The following TYW1 variants were observed in gnomAD, a reference collection of about 807,000 sequenced individuals.
The protein encoded by TYW1 is S-adenosyl-L-methionine-dependent tRNA 4-demethylwyosine synthase TYW1.
Under a neutral mutation model 96.2 loss-of-function variants are expected in TYW1, and 46 were observed. That is an observed-to-expected ratio of 0.48 (90% CI 0.38 to 0.61). The LOEUF (loss-of-function observed/expected upper bound fraction) is 0.61, where lower values mean the gene tolerates loss of function less well. Ranked by LOEUF, TYW1 falls within the 20% of genes least tolerant of loss-of-function variation. TYW1 has a pLI of 0.00. For synonymous variants in TYW1, 274 were observed against 323.0 expected (o/e 0.85, Z 1.63); for missense variants, 684 against 909.6 (o/e 0.75, Z 3.19).
rs1385810870 is a variant in TYW1 at position 67,013,803 on chromosome 7, A to G, written c.376-564A>G. On this transcript the variant is annotated intron_variant, in intron 4 of 15. Coordinates refer to ENST00000359626, the MANE Select transcript of TYW1 (RefSeq NM_018264.4). ...CTGTCGCCCAGGCTGGAGTGCAGTG[A>G]CGTGATCTTGGCTCGCTGCAAGCTC... Among the ~76,000 whole-genome samples, 36 of 126,884 alleles carry G rather than the reference A, an allele frequency of 2.8e-4. 1 individual carries two copies. The highest frequency in any genetic ancestry group is 4.4e-4 in the African/African-American group (14 of 32,178). The allele number at this position is 126,884 out of a possible 152,430, so 83.2% of individuals were successfully genotyped here.
intron 10 of TYW1, among the ~76,000 whole-genome samples, chr7:67,078,888 G>T (rs1367833394): frequency 2.6e-5 from 4 of 151,928 alleles, no homozygotes; most frequent in Non-Finnish European, 2.9e-5. Context: ...TAGAGACAGG[G>T]TTTCACTGTA....
chr7:67,229,012 A>AT (rs1801657590), intron 15 of TYW1, among the ~76,000 whole-genome samples: 1 of 152,154 alleles, frequency 6.6e-6, no homozygotes, highest in Non-Finnish European at 1.5e-5. Context: ...TGCCAGTTTT[A>AT]TTTTTTTGGT....
At chr7:67,102,525 G>A (rs35416984) in intron 12 of TYW1, among the ~76,000 whole-genome samples, 122 of 152,270 alleles carry the variant, frequency 8.0e-4, no homozygotes, top group African/African-American at 2.4e-3. Flanking sequence ...AGGTGGCAGG[G>A]TTGGGCTAAT....
intron 14 of TYW1, among the ~76,000 whole-genome samples, chr7:67,193,970 G>T (rs1800309780): frequency 6.6e-6 from 1 of 152,000 alleles, no homozygotes; most frequent in South Asian, 2.1e-4. Flanking sequence ...TCAACAAGTT[G>T]TTGAGAAAAG....
At chr7:67,028,090 T>A (rs1794516894) in intron 7 of TYW1, among the ~76,000 whole-genome samples, 1 of 149,578 alleles carries the variant, frequency 6.7e-6, no homozygotes, top group East Asian at 2.0e-4. Flanking sequence ...ACAAAAAAAA[T>A]AAGCTGGGCA....
At chr7:67,090,739 C>A (rs894148973) in intron 11 of TYW1, among the ~76,000 whole-genome samples, 22 of 152,258 alleles carry the variant, frequency 1.4e-4, no homozygotes, top group African/African-American at 5.3e-4. Flanking sequence ...TGGGAAACAG[C>A]ACTATCGATT....
At chr7:67,009,399 G>A (rs931288816) in intron 3 of TYW1, among the ~76,000 whole-genome samples, 184 bp from the exon 4 acceptor site, 2 of 152,192 alleles carry the variant, frequency 1.3e-5, no homozygotes, top group Non-Finnish European at 2.9e-5. Context: ...ACAAATGAAT[G>A]ATCTCTGTAA....
At chr7:67,199,079 C>T (rs575473093) in intron 15 of TYW1, among the ~76,000 whole-genome samples, 1 of 152,112 alleles carries the variant, frequency 6.6e-6, no homozygotes, top group South Asian at 2.1e-4. Flanking sequence ...AACCTGTAGT[C>T]CCAGCTACTT....
intron 7 of TYW1, among the ~76,000 whole-genome samples, chr7:67,028,561 A>G (rs1001430375): frequency 3.3e-5 from 5 of 152,252 alleles, no homozygotes; most frequent in Non-Finnish European, 5.9e-5. Flanking sequence ...AATACAAATG[A>G]AAACTACACT....
chr7:67,083,743 G>A lies in TYW1; in HGVS notation c.1384+204G>A, dbSNP rs1284428791. ...GATGGAAGAACTAAAAATTTAAAATGTAGCAACTTGGCCAGGTGTGCTGGC... is the reference window on the plus strand; with the variant it reads ...GATGGAAGAACTAAAAATTTAAAATATAGCAACTTGGCCAGGTGTGCTGGC... On this transcript the variant is annotated intron_variant, in intron 11 of 15. Coordinates refer to ENST00000359626, the MANE Select transcript of TYW1 (RefSeq NM_018264.4). Among the ~76,000 whole-genome samples the A allele has an allele frequency of 2.0e-5, 3 of 152,204 alleles. No homozygotes were observed. The East Asian group carries it at 5.8e-4, about 29-fold the overall frequency.
chr7:67,123,252 CT>C (rs1797816054), intron 13 of TYW1, among the ~76,000 whole-genome samples: 1 of 152,094 alleles, frequency 6.6e-6, no homozygotes, highest in Non-Finnish European at 1.5e-5. Context: ...CGTGGGACCC[CT>C]ATCCACAGGC....
intron 10 of TYW1, among the ~76,000 whole-genome samples, chr7:67,070,537 C>A (rs1795999715): frequency 6.6e-6 from 1 of 152,002 alleles, no homozygotes; most frequent in South Asian, 2.1e-4. Context: ...CTGTTGAAAC[C>A]CTCTAGTGAA....
chr7:67,010,038 A>G (rs1041430577), intron 4 of TYW1, among the ~76,000 whole-genome samples: 7 of 148,448 alleles, frequency 4.7e-5, no homozygotes, highest in African/African-American at 1.7e-4. Context: ...GCTGGAGTGC[A>G]GTGGTGCAAT....
chr7:67,080,533 G>A (rs1341612326), intron 10 of TYW1, among the ~76,000 whole-genome samples: 4 of 151,894 alleles, frequency 2.6e-5, no homozygotes, highest in African/African-American at 9.7e-5. Flanking sequence ...AGCCTCTTGA[G>A]TAGCTGGGAT....
chr7:67,118,406 A>G (rs1286865803), intron 13 of TYW1, among the ~76,000 whole-genome samples: 1 of 152,094 alleles, frequency 6.6e-6, no homozygotes, highest in Non-Finnish European at 1.5e-5. Flanking sequence ...TGTATACTTT[A>G]AATCATCTCT....
chr7:67,210,799 G>A (rs971431184), intron 15 of TYW1, among the ~76,000 whole-genome samples: 1 of 116,170 alleles, frequency 8.6e-6, no homozygotes, highest in African/African-American at 3.7e-5. Context: ...TCATCTGTCT[G>A]TGTCTATCTG....
Position 67,105,190 on chromosome 7 carries a change from G to A in TYW1, c.1562+6472G>A, listed in dbSNP as rs148101476. On this transcript the variant is annotated intron_variant, in intron 12 of 15. Coordinates refer to ENST00000359626, the MANE Select transcript of TYW1 (RefSeq NM_018264.4). ...TCACACGGTGGAGCTTCAAGTCAAT[G>A]AGAAGGCACTCAGATCTACAGGGCA... Among the ~76,000 whole-genome samples the A allele has an allele frequency of 3.2e-3, 485 of 152,368 alleles. 2 individuals are homozygous for A. The highest frequency in any genetic ancestry group is 0.011 in the African/African-American group (442 of 41,586).
chr7:67,236,122 A>G (rs1213203020), intron 15 of TYW1, among the ~76,000 whole-genome samples: 3 of 152,166 alleles, frequency 2.0e-5, no homozygotes, highest in African/African-American at 4.8e-5. Flanking sequence ...GAACTCTCTC[A>G]CTGCAACCGA....
chr7:67,210,130 A>G (rs529611824), intron 15 of TYW1, among the ~76,000 whole-genome samples: 42 of 152,202 alleles, frequency 2.8e-4, no homozygotes, highest in African/African-American at 9.9e-4. Flanking sequence ...TTAGTTGTCA[A>G]TTCTCTTTAG....
Sources: gnomAD v4.1 joint callset for allele counts (sites outside exome capture counted in the v4.1 genomes callset) on GRCh38, gnomAD v4.1.1 for gene constraint, MANE v1.5 for transcripts, NCBI Gene and HGNC (gene_info 2026-07-23, HGNC 2026-07-21) for gene names.